The following SERPINB10 variants were observed in gnomAD, a reference collection of about 807,000 sequenced individuals.
SERPINB10 encodes the protein serpin B10.
A neutral mutation model predicts 39.1 loss-of-function variants in SERPINB10; 35 were observed. The ratio of observed to expected loss-of-function variants is 0.90; its 90% confidence interval spans 0.68 to 1.19. The LOEUF (loss-of-function observed/expected upper bound fraction) is 1.19, where lower values mean the gene tolerates loss of function less well. Among genes scored for constraint, SERPINB10 ranks in the 50% most tolerant of loss-of-function variants. SERPINB10 has a pLI of 0.00. For synonymous variants in SERPINB10, 190 were observed against 158.1 expected (o/e 1.20, Z -1.52); for missense variants, 546 against 460.5 (o/e 1.19, Z -1.70).
intron 1 of SERPINB10, among the ~76,000 whole-genome samples, chr18:63,913,175 T>C (rs912248060): frequency 2.0e-5 from 3 of 151,966 alleles, no homozygotes; most frequent in African/African-American, 7.2e-5. Flanking sequence ...TTTTTTTCTT[T>C]GTTAATCTAG....
rs553574559 is a variant in SERPINB10, at chr18:63,916,728, C to A, written c.169-728C>A. On this transcript the variant is annotated intron_variant, in intron 2 of 7. Coordinates refer to ENST00000238508, the MANE Select transcript of SERPINB10 (RefSeq NM_005024.3). ...TGCTGGGTGTTGCTTGTCCTTGTTT[C>A]GGATGTTAACACTTTTAGTTGCAAA... Among the ~76,000 whole-genome samples, 6 of 152,090 alleles carry A rather than the reference C, an allele frequency of 3.9e-5. No homozygotes were observed. In the East Asian group the frequency reaches 1.2e-3, roughly 29 times the overall value.
chr18:63,929,580 C>G (rs1277655402), intron 5 of SERPINB10, among the ~76,000 whole-genome samples: 1 of 151,734 alleles, frequency 6.6e-6, no homozygotes, highest in Non-Finnish European at 1.5e-5. Context: ...ACTTGGAAAC[C>G]TTGAAGTAGA....
intron 6 of SERPINB10, among the ~76,000 whole-genome samples, chr18:63,931,198 G>T (rs569788095): frequency 6.6e-6 from 1 of 152,258 alleles, no homozygotes; most frequent in South Asian, 2.1e-4. Flanking sequence ...AGTGATTGGG[G>T]TATTTAGAGT....
intron 6 of SERPINB10, among the ~76,000 whole-genome samples, chr18:63,932,015 G>A (rs1334641336): frequency 6.6e-6 from 1 of 152,140 alleles, no homozygotes; most frequent in East Asian, 1.9e-4. Context: ...ACAGCACGTA[G>A]CCTTTTGAGG....
At chr18:63,914,525 T>C (rs2144720437) in intron 1 of SERPINB10, among the ~76,000 whole-genome samples, 1 of 152,218 alleles carries the variant, frequency 6.6e-6, no homozygotes, top group African/African-American at 2.4e-5. Context: ...TCAAAATAGA[T>C]GGAATTAACT....
rs764710386 is a variant in SERPINB10, at chr18:63,919,826, A to C, written c.411A>C (p.Glu137Asp). 3.6e-5 allele frequency: 58 copies of C among 1,609,148 alleles called. No individual in the cohort carries two copies. Among genetic ancestry groups the C allele is most frequent in the Non-Finnish European group, 4.8e-5 (57 of 1,177,698 alleles). Residue 137 changes from glutamate to aspartate, a missense_variant, in exon 5 of 8, where the codon GAA (glutamate) becomes GAC (aspartate). Transcript: ENST00000238508. ...ACATGAAAACATATTTTGGTGCAGA[A>C]CCTCAGCCTGTTAACTTTGTGGAAG... ...LEDMKTYFGAEPQPVNFVEAS... is the reference protein window; with the variant it reads ...LEDMKTYFGADPQPVNFVEAS...
rs145953625 is a variant in SERPINB10, at chr18:63,918,013, C to G, written c.283C>G (p.Leu95Val). 735 of 1,611,892 alleles carry G rather than the reference C, an allele frequency of 4.6e-4. 4 individuals carry two copies. The highest frequency in any genetic ancestry group is 2.3e-3 in the South Asian group (212 of 91,018). The part of the protein sequence containing the change: ...SEEIHSDFQT[L>V]ISEILKPNDD... ...AGAAATACACTCTGATTTCCAAACA[C>G]TTATCTCAGAAATCCTCAAGCCCAA... Residue 95 changes from leucine (L) to valine (V), a missense_variant, in exon 4 of 8, where the codon CTT becomes GTT. By Grantham distance (32) the Leu-to-Val change is conservative. Transcript: ENST00000238508.
Position 63,919,825 on chromosome 18 carries a change from A to C in SERPINB10, c.410A>C (p.Glu137Ala). 1 of 1,609,150 alleles carries C rather than the reference A, an allele frequency of 6.2e-7. No homozygotes were observed. Among genetic ancestry groups the C allele is most frequent in the South Asian group, 1.1e-5 (1 of 90,738 alleles). Reference protein sequence around the residue: ...LEDMKTYFGAEPQPVNFVEAS... With the variant: ...LEDMKTYFGAAPQPVNFVEAS... ...GACATGAAAACATATTTTGGTGCAGAACCTCAGCCTGTTAACTTTGTGGAA... is the reference window on the plus strand; with the variant it reads ...GACATGAAAACATATTTTGGTGCAGCACCTCAGCCTGTTAACTTTGTGGAA... The change falls in exon 5 of 8, where the codon GAA becomes GCA. Residue 137 changes from glutamate (E) to alanine (A), a missense_variant. Glu to Ala is a moderately radical substitution (Grantham distance 107). Coordinates refer to ENST00000238508, the MANE Select transcript of SERPINB10 (RefSeq NM_005024.3).
intron 1 of SERPINB10, among the ~76,000 whole-genome samples, chr18:63,909,119 G>A (rs1290007194): frequency 2.0e-5 from 3 of 151,984 alleles, no homozygotes; most frequent in Admixed American, 6.6e-5. Flanking sequence ...TGTCTATGAT[G>A]AGACATTTTG....
chr18:63,915,417 A>G, intron 1 of SERPINB10, 85 bp from the exon 2 acceptor site: 1 of 949,292 alleles, frequency 1.1e-6, no homozygotes, highest in Admixed American at 2.3e-5. Flanking sequence ...ATGGATATGT[A>G]TGCAACTATG....
chr18:63,919,460 T>C (rs1213050911), intron 4 of SERPINB10, among the ~76,000 whole-genome samples: 3 of 151,898 alleles, frequency 2.0e-5, no homozygotes, highest in Non-Finnish European at 4.4e-5. Context: ...GGGGTCACTC[T>C]TGTTATTTGT....
In SERPINB10 at chr18:63,935,182, C is replaced by A. The variant is rs200042198; in HGVS notation, c.1134C>A (p.Phe378Leu). The A allele has an allele frequency of 5.6e-5, 91 of 1,611,806 alleles. No individual in the cohort carries two copies. Among genetic ancestry groups the A allele is most frequent in the Non-Finnish European group, 7.2e-5 (85 of 1,179,548 alleles). Residue 378 changes from phenylalanine to leucine, a missense_variant, in exon 8 of 8, where the codon TTC (phenylalanine) becomes TTA (leucine). Physicochemically the swap from Phe to Leu is conservative, Grantham distance 22 (BLOSUM62 0). Transcript: ENST00000238508. The stretch of plus-strand genomic sequence containing the variant: ...TCAATGCAAATCACCCATTCCTCTT[C>A]TTCATCAGGCACAATAAAACCAACA... The part of the protein sequence containing the change: ...IEFNANHPFL[F>L]FIRHNKTNTI...
At chr18:63,910,931 T>C (rs2050059999) in intron 1 of SERPINB10, among the ~76,000 whole-genome samples, 1 of 151,976 alleles carries the variant, frequency 6.6e-6, no homozygotes, top group Non-Finnish European at 1.5e-5. Flanking sequence ...AGTGTACCCT[T>C]TTCTCCACAG....
chr18:63,916,430 G>C (rs915940052), intron 2 of SERPINB10, among the ~76,000 whole-genome samples: 2 of 151,486 alleles, frequency 1.3e-5, no homozygotes, highest in African/African-American at 4.8e-5. Context: ...TTTCACCCAA[G>C]AAGGTGACTT....
At chr18:63,923,426 T>G (rs143800412) in intron 5 of SERPINB10, among the ~76,000 whole-genome samples, 2,432 of 152,046 alleles carry the variant, frequency 0.016, 178 homozygotes, top group Admixed American at 0.13. Flanking sequence ...TCAAAGATAC[T>G]TCTTTCCTTG....
At chr18:63,925,257 C>G (rs938578644) in intron 5 of SERPINB10, among the ~76,000 whole-genome samples, 3 of 151,886 alleles carry the variant, frequency 2.0e-5, no homozygotes, top group Non-Finnish European at 4.4e-5. Context: ...GAAATAGATA[C>G]AGATGTGTGT....
intron 6 of SERPINB10, among the ~76,000 whole-genome samples, chr18:63,930,998 G>A (rs73961823): frequency 0.01 from 1,550 of 152,322 alleles, 21 homozygotes; most frequent in African/African-American, 0.036. Flanking sequence ...AGTGGGGTGA[G>A]GATGGGGAAG....
intron 1 of SERPINB10, among the ~76,000 whole-genome samples, chr18:63,913,335 C>T (rs12326225): frequency 0.37 from 56,531 of 151,654 alleles, 14,045 homozygotes; most frequent in African/African-American, 0.7. Context: ...TTAGTTTGTT[C>T]TTGTTTCTCT....
At chr18:63,919,020 A>T (rs2144725849) in intron 4 of SERPINB10, among the ~76,000 whole-genome samples, 1 of 152,170 alleles carries the variant, frequency 6.6e-6, no homozygotes, top group East Asian at 1.9e-4. Flanking sequence ...TAGACTTCAT[A>T]ATCTTCAAGC....
Sources: gnomAD v4.1 joint callset for allele counts (sites outside exome capture counted in the v4.1 genomes callset) on GRCh38, gnomAD v4.1.1 for gene constraint, MANE v1.5 for transcripts, NCBI Gene and HGNC (gene_info 2026-07-23, HGNC 2026-07-21) for gene names.